The following LAMP3 variants were observed in gnomAD, a reference collection of about 807,000 sequenced individuals.
LAMP3 encodes lysosome-associated membrane glycoprotein 3.
Under a neutral mutation model 34.8 loss-of-function variants are expected in LAMP3, and 26 were observed. The observed-to-expected ratio is 0.75, with a 90% CI of 0.55 to 1.04. The LOEUF (loss-of-function observed/expected upper bound fraction) is 1.04. Ranked by LOEUF, LAMP3 falls within the 50% of genes least tolerant of loss-of-function variation. The pLI is 0.00. For synonymous variants in LAMP3, 180 were observed against 201.9 expected, an observed-to-expected ratio of 0.89 and a Z score of 0.92; for missense variants, 495 against 524.0, an observed-to-expected ratio of 0.94 and a Z score of 0.54.
intron 2 of LAMP3, 39 bp from the exon 3 acceptor site, chr3:183,152,542 A>C: frequency 4.5e-6 from 7 of 1,566,130 alleles, no homozygotes; most frequent in Non-Finnish European, 6.0e-6. Flanking sequence ...TGAGATGTAG[A>C]GGAAAACTCT....
chr3:183,130,182 G>A (rs1201486731), intron 5 of LAMP3, among the ~76,000 whole-genome samples: 5 of 134,632 alleles, frequency 3.7e-5, no homozygotes, highest in African/African-American at 5.8e-5. Context: ...TTTTTGAGAC[G>A]GAGTTTCGCT....
chr3:183,138,819 C>A (rs937602466), intron 4 of LAMP3, among the ~76,000 whole-genome samples: 5 of 152,144 alleles, frequency 3.3e-5, no homozygotes, highest in African/African-American at 1.2e-4. Flanking sequence ...CTCTGTCCCT[C>A]GACCTCACCT....
rs1719724567 is a variant in LAMP3, at chr3:183,123,994, C to T, written c.*87G>A. 4 of 1,465,990 alleles carry T rather than the reference C, an allele frequency of 2.7e-6. No homozygotes were observed. Among genetic ancestry groups the T allele is most frequent in the Non-Finnish European group, 3.8e-6 (4 of 1,052,348 alleles). The allele number at this position is 1,465,990 out of a possible 1,614,324, so 90.8% of individuals were successfully genotyped here. The stretch of plus-strand genomic sequence containing the variant: ...TGGTTTACATTGTTTGAAGGACCCA[C>T]ACTCTGAGGGAATTTCCCAACATCC... On this transcript the variant is annotated 3_prime_UTR_variant, in exon 6 of 6. Transcript: ENST00000265598.
intron 1 of LAMP3, among the ~76,000 whole-genome samples, chr3:183,161,682 C>A (rs1414671994): frequency 1.3e-5 from 2 of 152,154 alleles, no homozygotes; most frequent in East Asian, 3.9e-4. Context: ...AGCCACCACG[C>A]CTGGCCTGTC....
chr3:183,148,424 C>A (rs1720512063), intron 3 of LAMP3, among the ~76,000 whole-genome samples: 1 of 152,176 alleles, frequency 6.6e-6, no homozygotes, highest in Admixed American at 6.5e-5. Flanking sequence ...ATCCATCCGA[C>A]AAGGGATTAA....
At chr3:183,149,574 A>T (rs1199191271) in intron 3 of LAMP3, among the ~76,000 whole-genome samples, 6 of 32,626 alleles carry the variant, frequency 1.8e-4, no homozygotes, top group African/African-American at 3.7e-4. Flanking sequence ...AAAAAAAAAA[A>T]ATATATATAT....
intron 5 of LAMP3, chr3:183,132,297 T>C (rs967738962): frequency 1.1e-6 from 1 of 923,232 alleles, no homozygotes; most frequent in Non-Finnish European, 1.3e-6. Flanking sequence ...TTTAAAATAA[T>C]AGCATATTAA....
intron 3 of LAMP3, among the ~76,000 whole-genome samples, chr3:183,141,541 C>A (rs1457591616): frequency 1.3e-5 from 2 of 152,180 alleles, no homozygotes; most frequent in African/African-American, 4.8e-5. Flanking sequence ...CAACCCAAAT[C>A]AAAACCTGAA....
chr3:183,153,822 G>A lies in LAMP3; in HGVS notation c.619C>T (p.Pro207Ser), dbSNP rs1267459868. The A allele has an allele frequency of 6.2e-7, 1 of 1,602,522 alleles. No individual in the cohort carries two copies. The highest frequency in any genetic ancestry group is 8.5e-7 in the Non-Finnish European group (1 of 1,173,624). ...AAHNTTRTAA[P>S]ASTVPGPTLA... ...GTGGGCCCAGGAACCGTGGAGGCAG[G>A]TGCAGCTGTGCGGGTGGTATTGTGG... Residue 207 changes from proline (P) to serine (S), a missense_variant, in exon 2 of 6, where the codon CCT (proline) becomes TCT (serine). Pro to Ser is a moderately conservative substitution (Grantham distance 74, BLOSUM62 -1). Transcript: ENST00000265598.
chr3:183,139,979 A>C (rs1057181710), intron 4 of LAMP3, among the ~76,000 whole-genome samples: 1 of 152,196 alleles, frequency 6.6e-6, no homozygotes, highest in Admixed American at 6.5e-5. Context: ...TAAACTCTTT[A>C]TTGTTGCCAA....
intron 1 of LAMP3, among the ~76,000 whole-genome samples, chr3:183,159,686 G>A (rs1720921379): frequency 6.6e-6 from 1 of 152,232 alleles, no homozygotes; most frequent in Admixed American, 6.5e-5. Flanking sequence ...CCAAAACCCA[G>A]TCTCCCCTTC....
intron 3 of LAMP3, among the ~76,000 whole-genome samples, chr3:183,145,468 G>A (rs554478861): frequency 5.5e-4 from 84 of 152,254 alleles, no homozygotes; most frequent in African/African-American, 1.9e-3. Context: ...GTCACAAAGC[G>A]AATGATATGG....
intron 3 of LAMP3, among the ~76,000 whole-genome samples, chr3:183,141,049 T>C (rs1310734248): frequency 6.6e-6 from 1 of 152,240 alleles, no homozygotes; most frequent in Non-Finnish European, 1.5e-5. Flanking sequence ...CTTAGAAGGC[T>C]CATCCTTAAG....
intron 4 of LAMP3, among the ~76,000 whole-genome samples, 173 bp downstream of exon 4, chr3:183,140,365 C>A (rs762847499): frequency 2.3e-5 from 3 of 128,172 alleles, no homozygotes; most frequent in Non-Finnish European, 4.7e-5. Flanking sequence ...CGAGCGAGAT[C>A]GTGCCACTAC....
chr3:183,124,326 A>G, intron 5 of LAMP3, 112 bp from the exon 6 acceptor site: 1 of 919,624 alleles, frequency 1.1e-6, no homozygotes, highest in Non-Finnish European at 1.5e-6. Flanking sequence ...CTTGACTTTT[A>G]ACTCCACCAT....
intron 5 of LAMP3, among the ~76,000 whole-genome samples, chr3:183,131,490 A>T (rs946416339): frequency 2.6e-5 from 4 of 152,094 alleles, no homozygotes; most frequent in Non-Finnish European, 5.9e-5. Flanking sequence ...TCTTTGGGGA[A>T]CTCCCGGGTC....
chr3:183,151,424 C>CTTTTT (rs1303908629), intron 3 of LAMP3, among the ~76,000 whole-genome samples: 49 of 130,036 alleles, frequency 3.8e-4, no homozygotes, highest in African/African-American at 1.3e-3. Context: ...GGGGCATGCT[C>CTTTTT]TTTTTTTTTT....
chr3:183,147,923 C>T lies in LAMP3; in HGVS notation c.888+4452G>A, dbSNP rs891708970. 2.2e-4 allele frequency among the ~76,000 whole-genome samples: 33 copies of T among 152,188 alleles called. 1 individual carries two copies. The highest frequency in any genetic ancestry group is 7.5e-4 in the African/African-American group (31 of 41,510). Reference sequence around the variant, plus strand: ...GTAGAGATAGGGTCTTGCTATGTTGCCCAGGCTGATCTCAAACTCCCGGGT... The same window carrying T: ...GTAGAGATAGGGTCTTGCTATGTTGTCCAGGCTGATCTCAAACTCCCGGGT... On this transcript the variant is annotated intron_variant, in intron 3 of 5. Transcript: ENST00000265598.
In LAMP3 at chr3:183,140,573, C is replaced by T. The variant is rs1214299683; in HGVS notation, c.911G>A (p.Ser304Asn). Residue 304 changes from serine (S) to asparagine (N), a missense_variant, in exon 4 of 6, where the codon AGT (serine) becomes AAT (asparagine). By Grantham distance (46) the Ser-to-Asn change is conservative. Coordinates refer to ENST00000265598, the MANE Select transcript of LAMP3 (RefSeq NM_014398.4). ...FTKDEESYYISEVGAYLTVSD... is the reference protein window; with the variant it reads ...FTKDEESYYINEVGAYLTVSD... ...GACGGTCAAATAGGCTCCCACTTCA[C>T]TGATATAATATGATTCTTCATCCTG... 2.5e-6 allele frequency: 4 copies of T among 1,604,328 alleles called. No homozygotes were observed. Among genetic ancestry groups the T allele is most frequent in the Non-Finnish European group, 3.4e-6 (4 of 1,171,180 alleles).
Sources: gnomAD v4.1 joint callset for allele counts (sites outside exome capture counted in the v4.1 genomes callset) on GRCh38, gnomAD v4.1.1 for gene constraint, MANE v1.5 for transcripts, NCBI Gene and HGNC (gene_info 2026-07-23, HGNC 2026-07-21) for gene names.